SLC2A9: variants seen among roughly 807,000 people sequenced by gnomAD.
SLC2A9 encodes the protein solute carrier family 2, facilitated glucose transporter member 9.
SLC2A9 carries 39 observed loss-of-function variants against 50.6 expected under a neutral mutation model. That is an observed-to-expected ratio of 0.77 (90% CI 0.60 to 1.01). The LOEUF is 1.01. SLC2A9 is among the 50% of genes least tolerant of loss of function. SLC2A9 has a pLI of 0.00. For missense variants in SLC2A9, 686 were observed against 677.6 expected (o/e 1.01, Z -0.14); for synonymous variants, 324 against 276.9 (o/e 1.17, Z -1.69).
At chr4:9,861,775 G>T (rs1365990797) in intron 10 of SLC2A9, among the ~76,000 whole-genome samples, 1 of 152,066 alleles carries the variant, frequency 6.6e-6, no homozygotes, top group Admixed American at 6.6e-5. Context: ...ATTCATCTTT[G>T]CATCCCCTGG....
intron 2 of SLC2A9, among the ~76,000 whole-genome samples, chr4:10,018,479 T>G (rs1560497789): frequency 6.6e-6 from 1 of 151,908 alleles, no homozygotes; most frequent in Non-Finnish European, 1.5e-5. Context: ...GAGGCGGCGG[T>G]TGCAGTGAGC....
chr4:10,021,558 A>T, upstream of SLC2A9: 1 of 1,433,474 alleles, frequency 7.0e-7, no homozygotes, highest in South Asian at 1.2e-5. Flanking sequence ...TGGCAATTTG[A>T]TCATGCCTGA....
At position 9,874,605 on chromosome 4, in the gene SLC2A9, A is replaced by C. The variant is rs553372572; in HGVS notation, c.1291+12962T>G. Among the ~76,000 whole-genome samples the C allele has an allele frequency of 2.8e-3, 434 of 152,372 alleles. 3 individuals are homozygous for C. Among genetic ancestry groups the C allele is most frequent in the African/African-American group, 0.01 (422 of 41,588 alleles). ...GTGTGTATGTGCATGTGTGTGAATC[A>C]GTATATGTGGATGTTGTGTAATCCC... On this transcript the variant is annotated intron_variant, in intron 10 of 11. Transcript: ENST00000264784.
intron 5 of SLC2A9, among the ~76,000 whole-genome samples, chr4:9,970,056 C>T (rs1216318769): frequency 6.6e-6 from 1 of 152,120 alleles, no homozygotes; most frequent in Non-Finnish European, 1.5e-5. Flanking sequence ...CAGCCTACAC[C>T]ATAAGCCAGG....
At chr4:10,024,585 A>C (rs1763692817), upstream of SLC2A9, among the ~76,000 whole-genome samples, 1 of 152,168 alleles carries the variant, frequency 6.6e-6, no homozygotes, top group Non-Finnish European at 1.5e-5. Flanking sequence ...GTGAGACAAT[A>C]CATTTCTGTT....
At chr4:10,025,804 T>G, upstream of SLC2A9, 3 of 1,151,214 alleles carry the variant, frequency 2.6e-6, no homozygotes, top group Non-Finnish European at 3.9e-6. Flanking sequence ...TCTGCCCAGC[T>G]TCACCTTAAC....
intron 3 of SLC2A9, among the ~76,000 whole-genome samples, chr4:9,989,451 A>T (rs1010186006): frequency 1.3e-5 from 2 of 151,926 alleles, no homozygotes; most frequent in Non-Finnish European, 2.9e-5. Flanking sequence ...TTCTCAGCTG[A>T]TGACCATGCT....
intron 6 of SLC2A9, among the ~76,000 whole-genome samples, chr4:9,939,561 C>T (rs1747739193): frequency 6.6e-6 from 1 of 150,830 alleles, no homozygotes; most frequent in South Asian, 2.1e-4. Context: ...CATTGGCTAG[C>T]TTTATGTCCT....
chr4:9,789,406 T>C (rs113823153), intron 3 of SLC2A9, among the ~76,000 whole-genome samples: 2 of 152,340 alleles, frequency 1.3e-5, no homozygotes, highest in African/African-American at 2.4e-5. Context: ...AGAACCTTCC[T>C]GTTTCTATGT....
Position 9,867,243 on chromosome 4 carries a change from T to G in SLC2A9, c.1291+20324A>C, listed in dbSNP as rs533093185. 2.6e-5 allele frequency among the ~76,000 whole-genome samples: 4 copies of G among 152,254 alleles called. No individual in the cohort carries two copies. The South Asian group carries it at 8.3e-4, about 32-fold the overall frequency. On this transcript the variant is annotated intron_variant, in intron 10 of 11. Coordinates refer to ENST00000264784, the MANE Select transcript of SLC2A9 (RefSeq NM_020041.3). ...AATTCCCTCAGCTTCCATAAGAGCT[T>G]GGTAATTAAAGCTGCTAAAGAAGAA...
At chr4:9,863,489 G>GA (rs1035934174) in intron 10 of SLC2A9, among the ~76,000 whole-genome samples, 2 of 151,962 alleles carry the variant, frequency 1.3e-5, no homozygotes, top group Non-Finnish European at 2.9e-5. Flanking sequence ...TATAAAAGGG[G>GA]AAAAATGACT....
At chr4:9,981,102 G>T (rs1043415715) in intron 4 of SLC2A9, among the ~76,000 whole-genome samples, 1 of 151,148 alleles carries the variant, frequency 6.6e-6, no homozygotes, top group Admixed American at 6.6e-5. Context: ...GGTAGTAATG[G>T]TGATGGTGGT....
At chr4:9,822,166 C>G (rs1724497495), downstream of SLC2A9, among the ~76,000 whole-genome samples, 1 of 152,180 alleles carries the variant, frequency 6.6e-6, no homozygotes, top group Non-Finnish European at 1.5e-5. Context: ...TTCTTCCATA[C>G]TCCTTCTTTT....
At chr4:9,854,291 C>G (rs1476475188) in intron 10 of SLC2A9, among the ~76,000 whole-genome samples, 3 of 151,902 alleles carry the variant, frequency 2.0e-5, no homozygotes, top group African/African-American at 4.8e-5. Context: ...TCAGAAGTGA[C>G]AAAGAGACAT....
At chr4:9,876,608 C>T (rs901336094) in intron 10 of SLC2A9, among the ~76,000 whole-genome samples, 1 of 152,092 alleles carries the variant, frequency 6.6e-6, no homozygotes, top group Non-Finnish European at 1.5e-5. Flanking sequence ...AACAAACAAA[C>T]AAGCAAACAA....
chr4:9,976,689 C>G (rs1036267787), intron 5 of SLC2A9, among the ~76,000 whole-genome samples: 4 of 152,228 alleles, frequency 2.6e-5, no homozygotes, highest in Non-Finnish European at 5.9e-5. Flanking sequence ...CACCTTTTGG[C>G]TAGCTCAAAG....
At chr4:9,835,118 T>G in intron 10 of SLC2A9, 110 bp from the exon 11 acceptor site, 3 of 1,507,242 alleles carry the variant, frequency 2.0e-6, no homozygotes, top group Non-Finnish European at 2.7e-6. Flanking sequence ...GCCCCTTGAC[T>G]GGATGTGTAG....
At chr4:10,024,742 A>C (rs1763697333), upstream of SLC2A9, among the ~76,000 whole-genome samples, 1 of 152,210 alleles carries the variant, frequency 6.6e-6, no homozygotes, top group South Asian at 2.1e-4. Context: ...ACTGACCTTA[A>C]ACTGTCCTCC....
chr4:9,999,425 G>A (rs1218384194), intron 2 of SLC2A9, among the ~76,000 whole-genome samples: 1 of 152,112 alleles, frequency 6.6e-6, no homozygotes, highest in African/African-American at 2.4e-5. Flanking sequence ...TAATGCATAT[G>A]TGTGTATTTT....
Sources: allele counts gnomAD v4.1 joint callset (sites outside exome capture counted in the v4.1 genomes callset), GRCh38; gene constraint gnomAD v4.1.1; transcripts MANE v1.5; gene names NCBI Gene and HGNC (gene_info 2026-07-23, HGNC 2026-07-21).